Variants in GLIS1 observed in about 807,000 individuals in gnomAD.
The protein encoded by GLIS1 is GLIS family zinc finger 1.
A neutral mutation model predicts 63.8 loss-of-function variants in GLIS1; 24 were observed. The observed-to-expected ratio is 0.38, with a 90% CI of 0.27 to 0.53. The LOEUF is 0.53. GLIS1 is among the 20% of genes least tolerant of loss of function. The pLI, the probability that GLIS1 is intolerant of heterozygous loss-of-function variation, is 0.85. For missense variants in GLIS1, 1,036 were observed against 1,074.1 expected, an observed-to-expected ratio of 0.96 and a Z score of 0.50; for synonymous variants, 450 against 482.5, an observed-to-expected ratio of 0.93 and a Z score of 0.88.
At chr1:53,619,711 C>A (rs1401210966) in intron 2 of GLIS1, among the ~76,000 whole-genome samples, 2 of 152,254 alleles carry the variant, frequency 1.3e-5, no homozygotes, top group Non-Finnish European at 2.9e-5. Flanking sequence ...GCCCACAGGC[C>A]AGGAGAAGCC....
At chr1:53,568,800 C>T (rs1203334550) in intron 4 of GLIS1, among the ~76,000 whole-genome samples, 1 of 152,184 alleles carries the variant, frequency 6.6e-6, no homozygotes, top group Non-Finnish European at 1.5e-5. Context: ...TTCCTGAGCT[C>T]TCCCAGTCAC....
At position 53,545,364 on chromosome 1, in the gene GLIS1, G is replaced by C. The variant is rs544396814; in HGVS notation, c.1321-15412C>G. On this transcript the variant is annotated intron_variant, in intron 4 of 10. Transcript: ENST00000628545. ...AGGCAGTCTGGGCAGAGTCCCCAAA[G>C]CCTGACCTGTCCGGCGGCATCATGG... Among the ~76,000 whole-genome samples the C allele has an allele frequency of 4.6e-5, 7 of 152,312 alleles. No individual in the cohort carries two copies. The South Asian group carries it at 1.5e-3, about 32-fold the overall frequency.
chr1:53,520,989 T>G (rs1478510340), intron 6 of GLIS1, among the ~76,000 whole-genome samples: 1 of 152,186 alleles, frequency 6.6e-6, no homozygotes, highest in Non-Finnish European at 1.5e-5. Flanking sequence ...GGATTCAACA[T>G]GCAAGGATTT....
At chr1:53,704,515 G>A (rs1448745744) in intron 2 of GLIS1, among the ~76,000 whole-genome samples, 1 of 152,150 alleles carries the variant, frequency 6.6e-6, no homozygotes, top group Non-Finnish European at 1.5e-5. Context: ...GCCACCCTGG[G>A]CCTGGGTGAG....
In GLIS1 at chr1:53,710,087, G is replaced by A. The variant is rs541191004; in HGVS notation, c.259+27719C>T. On this transcript the variant is annotated intron_variant, in intron 2 of 10. Coordinates refer to ENST00000628545, the MANE Select transcript of GLIS1 (RefSeq NM_001367484.1). ...GGTCCACCAGCTACAAACCCCAGCT[G>A]GGACTGCCCATTCAGCTTGGAAGAG... Among the ~76,000 whole-genome samples the A allele has an allele frequency of 2.0e-5, 3 of 152,276 alleles. No individual in the cohort carries two copies. In the South Asian group the frequency reaches 6.2e-4, roughly 32 times the overall value.
At chr1:53,722,830 C>CA (rs1258815097) in intron 2 of GLIS1, among the ~76,000 whole-genome samples, 960 of 91,498 alleles carry the variant, frequency 0.01, 4 homozygotes, top group East Asian at 0.025. Flanking sequence ...GACCCCGTCT[C>CA]AAAAAAAAAA....
At chr1:53,681,556 CAAGA>C (rs1345978219) in intron 2 of GLIS1, among the ~76,000 whole-genome samples, 1 of 152,224 alleles carries the variant, frequency 6.6e-6, no homozygotes, top group African/African-American at 2.4e-5. Context: ...CACAGGCAGC[CAAGA>C]AAGAGAGCAT....
chr1:53,722,491 A>C (rs1403986338), intron 2 of GLIS1, among the ~76,000 whole-genome samples: 1 of 152,200 alleles, frequency 6.6e-6, no homozygotes, highest in Non-Finnish European at 1.5e-5. Context: ...GGCCTTCCAA[A>C]TTTTGGACCA....
intron 3 of GLIS1, 126 bp downstream of exon 3, chr1:53,599,975 G>A (rs12116597): frequency 0.89 from 417,397 of 466,880 alleles, 194,995 homozygotes; most frequent in Non-Finnish European, 0.99. Context: ...CTGCTTCTGA[G>A]CTACGGGCCC....
Position 53,529,964 on chromosome 1 carries a change from G to T in GLIS1, c.1321-12C>A, listed in dbSNP as rs760620862. ...CTGCAGCCTTCAAACTGCAGGAGAG[G>T]CTGGTGAGGGGAACTCCCAGCCCGG... On this transcript the variant is annotated splice_polypyrimidine_tract_variant and intron_variant, in intron 4 of 10. Transcript: ENST00000628545. 6.2e-7 allele frequency: 1 copy of T among 1,611,304 alleles called. No individual in the cohort carries two copies. Among genetic ancestry groups the T allele is most frequent in the Non-Finnish European group, 8.5e-7 (1 of 1,178,808 alleles).
At chr1:53,622,398 T>C (rs1351065962) in intron 2 of GLIS1, among the ~76,000 whole-genome samples, 1 of 135,132 alleles carries the variant, frequency 7.4e-6, no homozygotes, top group Non-Finnish European at 1.5e-5. Context: ...ACTGCAACTC[T>C]ACCTGGACAA....
At chr1:53,517,847 C>A (rs1316354609) in intron 7 of GLIS1, among the ~76,000 whole-genome samples, 1 of 152,232 alleles carries the variant, frequency 6.6e-6, no homozygotes, top group African/African-American at 2.4e-5. Flanking sequence ...AGCCTCCACA[C>A]CAAGGACGGA....
At chr1:53,616,789 C>G (rs1191128619) in intron 2 of GLIS1, among the ~76,000 whole-genome samples, 2 of 152,166 alleles carry the variant, frequency 1.3e-5, no homozygotes, top group East Asian at 1.9e-4. Context: ...CCGGAGCAGA[C>G]AGGGGCAAGA....
At chr1:53,693,156 C>T (rs1027035188) in intron 2 of GLIS1, among the ~76,000 whole-genome samples, 1 of 152,202 alleles carries the variant, frequency 6.6e-6, no homozygotes, top group Non-Finnish European at 1.5e-5. Flanking sequence ...ATATGTTACA[C>T]GCACTGTTTC....
intron 2 of GLIS1, among the ~76,000 whole-genome samples, chr1:53,655,808 C>G (rs1645959575): frequency 6.6e-6 from 1 of 152,204 alleles, no homozygotes; most frequent in South Asian, 2.1e-4. Flanking sequence ...TTTATTTATC[C>G]ACACTGCTTG....
intron 4 of GLIS1, among the ~76,000 whole-genome samples, chr1:53,559,377 T>G (rs1430335756): frequency 1.3e-5 from 2 of 152,122 alleles, no homozygotes; most frequent in African/African-American, 4.8e-5. Context: ...TCCCGGGGTT[T>G]TGGACTCTGA....
chr1:53,587,027 G>C (rs943063534), intron 4 of GLIS1, among the ~76,000 whole-genome samples: 5 of 152,198 alleles, frequency 3.3e-5, no homozygotes, highest in African/African-American at 1.2e-4. Context: ...GGGGAGCTAA[G>C]GAGGGAGCAC....
chr1:53,699,054 G>A (rs952334874), intron 2 of GLIS1, among the ~76,000 whole-genome samples: 1 of 145,696 alleles, frequency 6.9e-6, no homozygotes, highest in Non-Finnish European at 1.5e-5. Context: ...TTGTTTGTTT[G>A]TTTTTTATTT....
chr1:53,586,951 C>T (rs1173026319), intron 4 of GLIS1, among the ~76,000 whole-genome samples: 1 of 146,912 alleles, frequency 6.8e-6, no homozygotes, highest in African/African-American at 2.6e-5. Context: ...AGACACTTGG[C>T]CATGTTAGGA....
Sources: allele counts gnomAD v4.1 joint callset (sites outside exome capture counted in the v4.1 genomes callset), GRCh38; gene constraint gnomAD v4.1.1; transcripts MANE v1.5; gene names NCBI Gene and HGNC (gene_info 2026-07-23, HGNC 2026-07-21).